The following ANKRD54 variants were observed in gnomAD, a reference collection of about 807,000 sequenced individuals.
The protein encoded by ANKRD54 is ankyrin repeat domain-containing protein 54.
A neutral mutation model predicts 36.2 loss-of-function variants in ANKRD54; 26 were observed. That is an observed-to-expected ratio of 0.72 (90% CI 0.53 to 1.00). ANKRD54 has a LOEUF of 1.00. Among genes scored for constraint, ANKRD54 ranks in the 50% least tolerant of loss-of-function variants. The pLI is 0.00. For missense variants in ANKRD54, 384 were observed against 424.3 expected (o/e 0.91, Z 0.83); for synonymous variants, 209 against 188.4 (o/e 1.11, Z -0.89).
At chr22:37,847,788 A>G (rs765257026), upstream of ANKRD54, 4 of 438,160 alleles carry the variant, frequency 9.1e-6, no homozygotes, top group Non-Finnish European at 1.4e-5. Context: ...CTTAAGCTCC[A>G]TTATTTCCAA....
At chr22:37,843,840 T>C (rs1272290424) in intron 1 of ANKRD54, 71 bp downstream of exon 1, 10 of 1,116,258 alleles carry the variant, frequency 9.0e-6, no homozygotes, top group Non-Finnish European at 1.1e-5. Context: ...GCGCGGCCAC[T>C]GGTCCTCTGA....
chr22:37,844,303 C>T lies in ANKRD54; in HGVS notation c.-65G>A, dbSNP rs749120612. On this transcript the variant is annotated 5_prime_UTR_variant, in exon 1 of 8. Transcript: ENST00000215941. ...TCCCGACCGACCAACGGACCTACTT[C>T]CCTCCGCCCTGAGTCGTGCTGTCAG... The T allele has an allele frequency of 2.0e-6, 3 of 1,510,338 alleles. No homozygotes were observed. Among genetic ancestry groups the T allele is most frequent in the African/African-American group, 2.9e-5 (2 of 69,072 alleles). 93.6% of individuals were successfully genotyped at this position (1,510,338 alleles called of 1,614,324 possible). A position where few individuals can be genotyped will look rare whatever the true frequency, so the allele number is the denominator to read the frequency against.
chr22:37,833,538 G>T, intron 4 of ANKRD54, 146 bp downstream of exon 4: 2 of 883,168 alleles, frequency 2.3e-6, no homozygotes, highest in Admixed American at 2.2e-5. Context: ...ACAGGCTGCT[G>T]GGCAGTGCAG....
At chr22:37,847,170 CT>C (rs796315633), upstream of ANKRD54, among the ~76,000 whole-genome samples, 117 of 133,092 alleles carry the variant, frequency 8.8e-4, 1 homozygote, top group Middle Eastern at 5.2e-3. Context: ...TTTCTTTTTT[CT>C]TTTTTTTTTT....
At chr22:37,835,245 C>A (rs1182785495) in intron 3 of ANKRD54, among the ~76,000 whole-genome samples, 1 of 151,750 alleles carries the variant, frequency 6.6e-6, no homozygotes, top group African/African-American at 2.4e-5. Flanking sequence ...ATCTGTAATC[C>A]CAGCTACTCA....
rs1254069219 is a variant in ANKRD54, at chr22:37,830,962, A to C, written c.*981T>G. On this transcript the variant is annotated 3_prime_UTR_variant, in exon 8 of 8. Coordinates refer to ENST00000215941, the MANE Select transcript of ANKRD54 (RefSeq NM_138797.4). Reference sequence around the variant, plus strand: ...GGTGGGAGCAGGGCTGGGGCCTTCCAGGGCTCTGTGGGAGGATGCATTTCC... The same window carrying C: ...GGTGGGAGCAGGGCTGGGGCCTTCCCGGGCTCTGTGGGAGGATGCATTTCC... 1 of 152,308 alleles carries C rather than the reference A, an allele frequency of 6.6e-6. No individual in the cohort carries two copies. The highest frequency in any genetic ancestry group is 1.5e-5 in the Non-Finnish European group (1 of 68,114). The allele number at this position is 152,308 out of a possible 1,614,324, so 9.4% of individuals were successfully genotyped here. A position where few individuals can be genotyped will look rare whatever the true frequency, so the allele number is the denominator to read the frequency against.
intron 3 of ANKRD54, chr22:37,834,174 T>C (rs1923241368): frequency 5.7e-6 from 1 of 174,518 alleles, no homozygotes; most frequent in Non-Finnish European, 1.2e-5. Flanking sequence ...CTCAGGGGTG[T>C]GCTGTATTAT....
In ANKRD54 at chr22:37,832,817, C is replaced by T. The variant is rs371996113; in HGVS notation, c.721-73G>A. 212 of 1,604,658 alleles carry T rather than the reference C, an allele frequency of 1.3e-4. 1 individual carries two copies. The East Asian group carries it at 3.7e-3, about 28-fold the overall frequency. On this transcript the variant is annotated intron_variant, in intron 6 of 7. Coordinates refer to ENST00000215941, the MANE Select transcript of ANKRD54 (RefSeq NM_138797.4). ...ACAGGCTGATGCTGCTTCCAAAAAG[C>T]ACAGTGGAGCAGGTGCCAACTGGGG...
At chr22:37,834,781 C>T (rs1351281139) in intron 3 of ANKRD54, 1 of 147,542 alleles carries the variant, frequency 6.8e-6, no homozygotes, top group Non-Finnish European at 1.5e-5. Context: ...AAGAACATGG[C>T]TGGGCACGGT....
chr22:37,849,205 C>G, upstream of ANKRD54: 1 of 566,194 alleles, frequency 1.8e-6, no homozygotes, highest in East Asian at 3.1e-5. Flanking sequence ...AGGCTGGTCT[C>G]AAACCCCCGG....
upstream of ANKRD54, chr22:37,849,208 A>G: frequency 1.8e-6 from 1 of 565,396 alleles, no homozygotes; most frequent in Non-Finnish European, 3.2e-6. Context: ...CTGGTCTCAA[A>G]CCCCCGGCCT....
upstream of ANKRD54, among the ~76,000 whole-genome samples, chr22:37,845,340 CA>C (rs1924774129): frequency 6.6e-6 from 1 of 152,178 alleles, no homozygotes; most frequent in South Asian, 2.1e-4. Context: ...GACCAGGAAA[CA>C]AATAAGTGTT....
At chr22:37,840,663 A>G (rs1317514201) in intron 1 of ANKRD54, among the ~76,000 whole-genome samples, 3 of 151,962 alleles carry the variant, frequency 2.0e-5, no homozygotes, top group Admixed American at 1.3e-4. Flanking sequence ...AGGCAGGTGG[A>G]TCACTTGAGG....
intron 1 of ANKRD54, among the ~76,000 whole-genome samples, chr22:37,843,189 G>A (rs1390041047): frequency 2.0e-5 from 3 of 152,202 alleles, no homozygotes; most frequent in African/African-American, 7.2e-5. Context: ...TTGGGAGGCC[G>A]AGGTGGGTGG....
At chr22:37,844,359 A>G, upstream of ANKRD54, 4 of 1,151,520 alleles carry the variant, frequency 3.5e-6, no homozygotes, top group Non-Finnish European at 4.7e-6. Context: ...GCCCGCAACC[A>G]CGGCAACCGA....
intron 1 of ANKRD54, among the ~76,000 whole-genome samples, chr22:37,841,558 A>T (rs1456619404): frequency 7.7e-6 from 1 of 129,328 alleles, no homozygotes; most frequent in Non-Finnish European, 1.7e-5. Context: ...ACACACACAC[A>T]AAAAACATAG....
At chr22:37,844,695 G>T (rs1205489427), upstream of ANKRD54, among the ~76,000 whole-genome samples, 1 of 151,940 alleles carries the variant, frequency 6.6e-6, no homozygotes, top group African/African-American at 2.4e-5. Flanking sequence ...TCAGCCTCCC[G>T]AGTAGCTGGG....
upstream of ANKRD54, among the ~76,000 whole-genome samples, chr22:37,845,503 C>T (rs1239579222): frequency 6.6e-6 from 1 of 152,160 alleles, no homozygotes; most frequent in Non-Finnish European, 1.5e-5. Flanking sequence ...TCACAGTTGC[C>T]CAGCTCTCAC....
intron 1 of ANKRD54, among the ~76,000 whole-genome samples, chr22:37,843,015 G>A (rs1204236521): frequency 6.6e-6 from 1 of 152,236 alleles, no homozygotes. Context: ...ATGTCTCAAA[G>A]AGTTCTTGTG....
Sources: gnomAD v4.1 joint callset for allele counts (sites outside exome capture counted in the v4.1 genomes callset) on GRCh38, gnomAD v4.1.1 for gene constraint, MANE v1.5 for transcripts, NCBI Gene and HGNC (gene_info 2026-07-23, HGNC 2026-07-21) for gene names.